LIMCH1: variants seen among roughly 807,000 people sequenced by gnomAD.
LIMCH1 encodes the protein LIM and calponin homology domains-containing protein 1.
LIMCH1 carries 113 observed loss-of-function variants against 176.5 expected under a neutral mutation model. That is an observed-to-expected ratio of 0.64 (90% CI 0.55 to 0.75). The LOEUF is 0.75. Among genes scored for constraint, LIMCH1 ranks in the 30% least tolerant of loss-of-function variants. LIMCH1 has a pLI of 0.00. For synonymous variants in LIMCH1, 619 were observed against 645.9 expected (o/e 0.96, Z 0.63); for missense variants, 1,674 against 1,814.9 (o/e 0.92, Z 1.41).
intron 14 of LIMCH1, among the ~76,000 whole-genome samples, chr4:41,642,734 TTTC>T (rs1381864618): frequency 1.1e-4 from 12 of 105,444 alleles, no homozygotes; most frequent in Admixed American, 2.8e-4. Flanking sequence ...TTTTTTCTTT[TTTC>T]TTTTTTTTTT....
At chr4:41,474,508 G>A (rs909467432) in intron 1 of LIMCH1, among the ~76,000 whole-genome samples, 3 of 152,016 alleles carry the variant, frequency 2.0e-5, no homozygotes, top group African/African-American at 7.2e-5. Flanking sequence ...ATAAAAATGG[G>A]CAAAGGACCT....
intron 20 of LIMCH1, among the ~76,000 whole-genome samples, chr4:41,663,384 T>C (rs1324670898): frequency 6.6e-6 from 1 of 152,022 alleles, no homozygotes; most frequent in African/African-American, 2.4e-5. Context: ...TGTGGAAAAG[T>C]GTAATATAAG....
At chr4:41,550,260 A>G (rs1356001315) in intron 1 of LIMCH1, among the ~76,000 whole-genome samples, 1 of 151,418 alleles carries the variant, frequency 6.6e-6, no homozygotes, top group Non-Finnish European at 1.5e-5. Context: ...TATTTTTCCT[A>G]TTGATTCAGT....
intron 1 of LIMCH1, among the ~76,000 whole-genome samples, chr4:41,429,781 A>G (rs2061431947): frequency 6.6e-6 from 1 of 152,226 alleles, no homozygotes; most frequent in African/African-American, 2.4e-5. Flanking sequence ...TTTATTGGCT[A>G]TGCTACATAT....
At chr4:41,633,524 T>A (rs2093432685) in intron 12 of LIMCH1, 24 bp from the exon 13 acceptor site, 1 of 1,532,152 alleles carries the variant, frequency 6.5e-7, no homozygotes, top group East Asian at 2.4e-5. Context: ...GGCCTTTGAC[T>A]GGCTGGACTG....
intron 1 of LIMCH1, among the ~76,000 whole-genome samples, chr4:41,391,345 A>G (rs983314818): frequency 3.9e-5 from 6 of 152,214 alleles, no homozygotes; most frequent in Non-Finnish European, 7.3e-5. Context: ...CCTGGATTTT[A>G]TATACCTTCT....
chr4:41,611,933 G>GAAAAAAA (rs2091466352), intron 4 of LIMCH1, among the ~76,000 whole-genome samples: 2 of 152,124 alleles, frequency 1.3e-5, no homozygotes, highest in Non-Finnish European at 2.9e-5. Context: ...CCTGGCTTTT[G>GAAAAAAA]TTCAAGTCCT....
At chr4:41,583,980 A>G (rs1280769036) in intron 1 of LIMCH1, among the ~76,000 whole-genome samples, 2 of 151,984 alleles carry the variant, frequency 1.3e-5, no homozygotes, top group Non-Finnish European at 2.9e-5. Context: ...CCTTCTCAGT[A>G]GAGAGGTTGT....
At chr4:41,667,682 T>C (rs915910015) in intron 21 of LIMCH1, among the ~76,000 whole-genome samples, 1 of 152,100 alleles carries the variant, frequency 6.6e-6, no homozygotes. Context: ...TTGAATCCCT[T>C]TATCCTAGTG....
rs559498492 is a variant in LIMCH1 at position 41,386,033 on chromosome 4, A to G, written c.96+25097A>G. On this transcript the variant is annotated intron_variant, in intron 1 of 26. Coordinates refer to the LIMCH1 transcript ENST00000313860. ...TGAGTTTGATTAGAATGATTCTAGC[A>G]GAGTGTCAAAAAAGAAATAATACAT... is the stretch of plus-strand genomic sequence containing the variant. 8 of 152,362 alleles carry G rather than the reference A, an allele frequency of 5.3e-5. No homozygotes were observed. The South Asian group carries it at 1.7e-3, about 32-fold the overall frequency. The allele number at this position is 152,362 out of a possible 1,614,324, so 9.4% of individuals were successfully genotyped here. A position where few individuals can be genotyped will look rare whatever the true frequency, so the allele number is the denominator to read the frequency against.
intron 2 of LIMCH1, among the ~76,000 whole-genome samples, chr4:41,519,184 C>T (rs1443119771): frequency 2.0e-5 from 3 of 152,168 alleles, no homozygotes; most frequent in South Asian, 2.1e-4. Flanking sequence ...CAGCGAGACA[C>T]GTATGTGCAC....
At chr4:41,624,197 T>C (rs2152837045) in intron 7 of LIMCH1, among the ~76,000 whole-genome samples, 1 of 152,316 alleles carries the variant, frequency 6.6e-6, no homozygotes, top group Non-Finnish European at 1.5e-5. Context: ...TTGTACCTCT[T>C]TTCTAATTGT....
chr4:41,429,894 T>G (rs1321050325), intron 1 of LIMCH1, among the ~76,000 whole-genome samples: 1 of 151,762 alleles, frequency 6.6e-6, no homozygotes, highest in African/African-American at 2.4e-5. Context: ...TGGTGAATCA[T>G]GCACACTGTC....
At chr4:41,548,087 G>A (rs1048974188) in intron 1 of LIMCH1, among the ~76,000 whole-genome samples, 41 of 151,808 alleles carry the variant, frequency 2.7e-4, no homozygotes, top group African/African-American at 9.4e-4. Context: ...AACGTAGCAT[G>A]TTGCCTGGCA....
chr4:41,450,798 C>CAA (rs760652470), intron 1 of LIMCH1, among the ~76,000 whole-genome samples: 1,398 of 50,324 alleles, frequency 0.028, 93 homozygotes, highest in African/African-American at 0.077. Context: ...CTCTCTCTCT[C>CAA]AAAAAAAAAA....
chr4:41,608,932 C>A (rs2091081344), intron 4 of LIMCH1, among the ~76,000 whole-genome samples: 1 of 152,090 alleles, frequency 6.6e-6, no homozygotes, highest in Admixed American at 6.6e-5. Context: ...GGGAGCGTGG[C>A]CAGTATCATC....
intron 4 of LIMCH1, chr4:41,612,949 TC>T: frequency 6.5e-7 from 1 of 1,530,566 alleles, no homozygotes; most frequent in Admixed American, 2.0e-5. Context: ...CGCGTGCTGC[TC>T]CAGGATTTTA....
chr4:41,505,482 T>C (rs2074029537), intron 2 of LIMCH1, among the ~76,000 whole-genome samples: 1 of 152,172 alleles, frequency 6.6e-6, no homozygotes, highest in Admixed American at 6.5e-5. Flanking sequence ...GTGTGAATAA[T>C]GAACTTTGGC....
rs111760969 is a variant in LIMCH1, at chr4:41,556,665, C to T, written c.-241+18315C>T. 6.8e-3 allele frequency among the ~76,000 whole-genome samples: 1,029 copies of T among 152,196 alleles called. 14 individuals are homozygous for T. The highest frequency in any genetic ancestry group is 0.024 in the African/African-American group (992 of 41,520). On this transcript the variant is annotated intron_variant, in intron 1 of 31. Coordinates refer to ENST00000503057, the MANE Select transcript of LIMCH1 (RefSeq NM_001330672.2). ...ATTAAGTCAAGCCCCATATCTTAAG[C>T]AGCAGCTGAGATGGGATTTGAATCC...
Sources: gnomAD v4.1 joint callset for allele counts (sites outside exome capture counted in the v4.1 genomes callset) on GRCh38, gnomAD v4.1.1 for gene constraint, MANE v1.5 for transcripts, NCBI Gene and HGNC (gene_info 2026-07-23, HGNC 2026-07-21) for gene names.